Variants in TRPM6 observed in about 807,000 individuals in gnomAD.
TRPM6 encodes transient receptor potential cation channel subfamily M member 6.
A neutral mutation model predicts 247.6 loss-of-function variants in TRPM6; 111 were observed. The observed-to-expected ratio is 0.45, with a 90% CI of 0.38 to 0.52. The LOEUF (loss-of-function observed/expected upper bound fraction) is 0.52. TRPM6 is among the 20% of genes least tolerant of loss of function. The pLI, the probability that TRPM6 is intolerant of heterozygous loss-of-function variation, is 0.00. For missense variants in TRPM6, 2,126 were observed against 2,421.5 expected (o/e 0.88, Z 2.56); for synonymous variants, 892 against 853.8 (o/e 1.04, Z -0.78).
chr9:74,814,949 AAAAT>A (rs1400015394), intron 11 of TRPM6, among the ~76,000 whole-genome samples: 1 of 152,196 alleles, frequency 6.6e-6, no homozygotes, highest in East Asian at 1.9e-4. Flanking sequence ...CCCTATCTCA[AAAAT>A]AAATAAATTA....
At chr9:74,727,207 C>T (rs1163359668) in intron 38 of TRPM6, among the ~76,000 whole-genome samples, 1 of 151,730 alleles carries the variant, frequency 6.6e-6, no homozygotes, top group African/African-American at 2.4e-5. Flanking sequence ...ATGGTGAAAC[C>T]CTGTCTCTAC....
intron 17 of TRPM6, among the ~76,000 whole-genome samples, chr9:74,798,639 C>G (rs1828186389): frequency 6.6e-6 from 1 of 152,050 alleles, no homozygotes; most frequent in Non-Finnish European, 1.5e-5. Flanking sequence ...CATGGTTTTC[C>G]TACAGTATTC....
chr9:74,795,026 T>G (rs974053761), intron 18 of TRPM6, among the ~76,000 whole-genome samples: 1 of 152,080 alleles, frequency 6.6e-6, no homozygotes, highest in African/African-American at 2.4e-5. Flanking sequence ...TTATACAACT[T>G]TCTTAGTATT....
intron 37 of TRPM6, among the ~76,000 whole-genome samples, chr9:74,731,708 T>C (rs943115604): frequency 2.0e-5 from 3 of 148,110 alleles, no homozygotes; most frequent in African/African-American, 4.9e-5. Context: ...ATAATATATA[T>C]AATATATATA....
intron 3 of TRPM6, among the ~76,000 whole-genome samples, chr9:74,853,062 C>T (rs919535930): frequency 1.3e-5 from 2 of 151,380 alleles, no homozygotes; most frequent in African/African-American, 4.9e-5. Context: ...TCTGCCCCGC[C>T]GCCCCGTCTG....
At chr9:74,733,860 A>G (rs955480158) in intron 36 of TRPM6, among the ~76,000 whole-genome samples, 7 of 152,242 alleles carry the variant, frequency 4.6e-5, no homozygotes, top group Non-Finnish European at 8.8e-5. Flanking sequence ...GCCCGGCCAC[A>G]TACTTATACT....
Position 74,804,629 on chromosome 9 carries a change from G to A in TRPM6, c.1639-743C>T, listed in dbSNP as rs115420227. 8.0e-3 allele frequency: 6,004 copies of A among 747,732 alleles called. 226 individuals carry two copies. In the African/African-American group the frequency reaches 0.086, roughly 11 times the overall value. The allele number at this position is 747,732 out of a possible 1,614,324, so 46.3% of individuals were successfully genotyped here. On this transcript the variant is annotated intron_variant, in intron 14 of 38. Coordinates refer to ENST00000360774, the MANE Select transcript of TRPM6 (RefSeq NM_017662.5). Reference sequence around the variant, plus strand: ...CTACTCAGCCTGAGGTTACAAACTGGTCTGAAGGCATGAAGGTGTCCTCTG... The same window carrying A: ...CTACTCAGCCTGAGGTTACAAACTGATCTGAAGGCATGAAGGTGTCCTCTG...
intron 26 of TRPM6, 92 bp downstream of exon 26, chr9:74,761,907 G>C (rs1826650941): frequency 6.6e-7 from 1 of 1,508,570 alleles, no homozygotes; most frequent in Admixed American, 1.7e-5. Flanking sequence ...TGACAATGTG[G>C]TTAAGAGTCA....
intron 26 of TRPM6, 52 bp downstream of exon 26, chr9:74,761,947 C>G: frequency 6.3e-7 from 1 of 1,578,944 alleles, no homozygotes; most frequent in Non-Finnish European, 8.7e-7. Flanking sequence ...AAAACAAAAC[C>G]AGTAGCAATG....
At chr9:74,828,467 GAATAAC>G (rs755939329) in intron 6 of TRPM6, among the ~76,000 whole-genome samples, 36 of 152,144 alleles carry the variant, frequency 2.4e-4, no homozygotes, top group Non-Finnish European at 4.4e-4. Flanking sequence ...ATCCCACTAT[GAATAAC>G]TAGTAGGCAG....
intron 7 of TRPM6, among the ~76,000 whole-genome samples, chr9:74,823,995 T>TG (rs965073577): frequency 1.4e-4 from 21 of 152,252 alleles, no homozygotes; most frequent in African/African-American, 5.1e-4. Flanking sequence ...TGGTTAGTTT[T>TG]GATAGTGAGA....
At chr9:74,882,131 T>C (rs1260287393) in intron 1 of TRPM6, among the ~76,000 whole-genome samples, 1 of 152,180 alleles carries the variant, frequency 6.6e-6, no homozygotes, top group African/African-American at 2.4e-5. Context: ...CTTCAGGACA[T>C]TGATCTAAGC....
rs370913180 is a variant in TRPM6, at chr9:74,788,601, T to C, written c.2667+13A>G. 9 of 1,613,702 alleles carry C rather than the reference T, an allele frequency of 5.6e-6. No individual in the cohort carries two copies. Among genetic ancestry groups the C allele is most frequent in the African/African-American group, 5.3e-5 (4 of 74,904 alleles). On this transcript the variant is annotated intron_variant, in intron 20 of 38. Transcript: ENST00000360774. Reference sequence around the variant, plus strand: ...GACATATGCAGAAGATAAAGGTAGATGGCATAACTCACCTCCCTGACCACC... The same window carrying C: ...GACATATGCAGAAGATAAAGGTAGACGGCATAACTCACCTCCCTGACCACC...
chr9:74,833,371 AG>A (rs1236950664), intron 6 of TRPM6, among the ~76,000 whole-genome samples: 1 of 152,206 alleles, frequency 6.6e-6, no homozygotes, highest in Non-Finnish European at 1.5e-5. Flanking sequence ...AAGAATACTT[AG>A]GAACAAAGAA....
chr9:74,868,684 C>T (rs1052020405), intron 1 of TRPM6, among the ~76,000 whole-genome samples: 1 of 152,042 alleles, frequency 6.6e-6, no homozygotes, highest in Non-Finnish European at 1.5e-5. Flanking sequence ...TCATGGAAGA[C>T]ATGGAATTTA....
At position 74,724,655 on chromosome 9, in the gene TRPM6, C is replaced by T; in HGVS notation, c.6027G>A (p.Arg2009=). 6.2e-7 allele frequency: 1 copy of T among 1,614,198 alleles called. No homozygotes were observed. The highest frequency in any genetic ancestry group is 8.5e-7 in the Non-Finnish European group (1 of 1,180,036). The change falls in exon 39 of 39, where the codon AGG becomes AGA. Residue 2009 remains arginine (R), a synonymous_variant. Transcript: ENST00000360774. The part of the protein sequence containing the change: ...KIESAEEPPA[R]ETGRNSPEDD... ...CTTCTGGGGAATTTCTACCCGTCTC[C>T]CTTGCTGGAGGCTCCTCAGCTGATT...
intron 11 of TRPM6, among the ~76,000 whole-genome samples, chr9:74,813,903 C>A (rs548657379): frequency 1.4e-4 from 22 of 152,260 alleles, no homozygotes; most frequent in African/African-American, 5.3e-4. Flanking sequence ...TCGAAACCAG[C>A]CTGGCCAACA....
Position 74,883,975 on chromosome 9 carries a change from C to A in TRPM6, c.33+3849G>T, listed in dbSNP as rs555770020. Among the ~76,000 whole-genome samples, 11 of 152,166 alleles carry A rather than the reference C, an allele frequency of 7.2e-5. No individual in the cohort carries two copies. In the South Asian group the frequency reaches 2.1e-3, roughly 29 times the overall value. ...GACCATCCTGACCAACATGGAGAAA[C>A]CCTGTCTCTACTAAAAGTACAAAAT... On this transcript the variant is annotated intron_variant, in intron 1 of 38. Coordinates refer to ENST00000360774, the MANE Select transcript of TRPM6 (RefSeq NM_017662.5).
rs2118653838 is a variant in TRPM6 at position 74,724,239 on chromosome 9, GCATA to G, written c.*370_*373del. 3.1e-6 allele frequency: 1 copy of G among 323,798 alleles called. No individual in the cohort carries two copies. Among genetic ancestry groups the G allele is most frequent in the South Asian group, 3.0e-5 (1 of 33,746 alleles). 20.1% of individuals were successfully genotyped at this position (323,798 alleles called of 1,614,324 possible). ...CAAATAGTAGTAGGGGGTCCAGTCT[GCATA>G]CATAGTGAGAAAATAAAATAAATGT... On this transcript the variant is annotated 3_prime_UTR_variant, in exon 39 of 39. Transcript: ENST00000360774.
Sources: gnomAD v4.1 joint callset for allele counts (sites outside exome capture counted in the v4.1 genomes callset) on GRCh38, gnomAD v4.1.1 for gene constraint, MANE v1.5 for transcripts, NCBI Gene and HGNC (gene_info 2026-07-23, HGNC 2026-07-21) for gene names.